The following FRMD4A variants were observed in gnomAD, a reference collection of about 807,000 sequenced individuals.
FRMD4A encodes the protein FERM domain containing 4A, also known as FERM domain-containing protein 4A.
Under a neutral mutation model 129.1 loss-of-function variants are expected in FRMD4A, and 29 were observed. That is an observed-to-expected ratio of 0.22 (90% confidence interval 0.17 to 0.31). The LOEUF (loss-of-function observed/expected upper bound fraction) is 0.31. Ranked by LOEUF, FRMD4A falls within the 10% of genes least tolerant of loss-of-function variation. The pLI is 1.00. For missense variants in FRMD4A, 1,272 were observed against 1,375.8 expected (o/e 0.92, Z 1.19); for synonymous variants, 634 against 571.6 (o/e 1.11, Z -1.56).
At chr10:14,067,601 G>A (rs1014161503) in intron 2 of FRMD4A, among the ~76,000 whole-genome samples, 1 of 151,908 alleles carries the variant, frequency 6.6e-6, no homozygotes. Context: ...GGCGGATCAC[G>A]AGGTCAGGAG....
chr10:14,072,897 T>C (rs1835381971), intron 2 of FRMD4A, among the ~76,000 whole-genome samples: 1 of 152,152 alleles, frequency 6.6e-6, no homozygotes, highest in Non-Finnish European at 1.5e-5. Context: ...ACTTCCCAGA[T>C]ATAAAGTTTG....
intron 2 of FRMD4A, among the ~76,000 whole-genome samples, chr10:14,058,207 G>C (rs906177612): frequency 6.6e-6 from 1 of 152,128 alleles, no homozygotes; most frequent in African/African-American, 2.4e-5. Flanking sequence ...AGAAAGCCGA[G>C]GGGATTTGGG....
At chr10:14,220,713 G>A (rs949987643) in intron 2 of FRMD4A, among the ~76,000 whole-genome samples, 1 of 152,174 alleles carries the variant, frequency 6.6e-6, no homozygotes, top group Non-Finnish European at 1.5e-5. Flanking sequence ...GACCAGCAGA[G>A]GAGGGGTGCC....
At chr10:13,751,749 G>A (rs2091635759) in intron 8 of FRMD4A, among the ~76,000 whole-genome samples, 1 of 152,224 alleles carries the variant, frequency 6.6e-6, no homozygotes, top group Non-Finnish European at 1.5e-5. Context: ...GGTGGCTCAT[G>A]CTTATAATCC....
chr10:13,925,883 CTTTTT>C (rs150868660), intron 2 of FRMD4A, among the ~76,000 whole-genome samples: 2 of 135,534 alleles, frequency 1.5e-5, no homozygotes, highest in Non-Finnish European at 1.6e-5. Context: ...GCACCTGGCT[CTTTTT>C]TTTTTTTTTT....
chr10:14,059,020 CA>C (rs143385808), intron 2 of FRMD4A, among the ~76,000 whole-genome samples: 2 of 149,438 alleles, frequency 1.3e-5, no homozygotes, highest in Admixed American at 6.6e-5. Flanking sequence ...GAGGAGAAAA[CA>C]AAAAAAAATG....
At chr10:14,231,392 G>T (rs1843634278) in intron 2 of FRMD4A, among the ~76,000 whole-genome samples, 1 of 151,500 alleles carries the variant, frequency 6.6e-6, no homozygotes, top group African/African-American at 2.4e-5. Context: ...ACCCAGGCTG[G>T]AGTGCAGTGG....
chr10:14,044,852 T>C (rs771426786), intron 2 of FRMD4A, among the ~76,000 whole-genome samples: 9 of 152,202 alleles, frequency 5.9e-5, no homozygotes, highest in African/African-American at 2.2e-4. Flanking sequence ...GAATATCCAA[T>C]GCCTATCTCT....
At chr10:13,858,245 C>T (rs1165735550) in intron 3 of FRMD4A, among the ~76,000 whole-genome samples, 1 of 152,076 alleles carries the variant, frequency 6.6e-6, no homozygotes, top group African/African-American at 2.4e-5. Flanking sequence ...ACCAGTCTGA[C>T]CAGCATGGAG....
At chr10:14,148,044 C>T (rs376811845) in intron 2 of FRMD4A, among the ~76,000 whole-genome samples, 12 of 152,156 alleles carry the variant, frequency 7.9e-5, no homozygotes, top group African/African-American at 2.9e-4. Flanking sequence ...GGACGATAAA[C>T]TCAGTAATAT....
chr10:13,880,221 T>C (rs1159325344), intron 2 of FRMD4A, among the ~76,000 whole-genome samples: 3 of 152,072 alleles, frequency 2.0e-5, no homozygotes, highest in Admixed American at 2.0e-4. Context: ...CTGATCTCAC[T>C]TTTCCCCAGA....
In FRMD4A at chr10:13,858,926, GA is replaced by G; in HGVS notation, c.46-15del. 6.6e-7 allele frequency: 1 copy of G among 1,526,546 alleles called. No homozygotes were observed. The highest frequency in any genetic ancestry group is 1.1e-5 in the South Asian group (1 of 89,260). 94.6% of individuals were successfully genotyped at this position (1,526,546 alleles called of 1,614,324 possible). A position where few individuals can be genotyped will look rare whatever the true frequency, so the allele number is the denominator to read the frequency against. On this transcript the variant is annotated splice_polypyrimidine_tract_variant and intron_variant, in intron 2 of 24. Coordinates refer to ENST00000357447, the MANE Select transcript of FRMD4A (RefSeq NM_018027.5). Reference sequence around the variant, plus strand: ...GCCCTCCGTCATCTAAGAGGGAAGAGAAATGGTAGTCACTGAGAGTCTAGCA... The same window carrying G: ...GCCCTCCGTCATCTAAGAGGGAAGAGAATGGTAGTCACTGAGAGTCTAGCA...
chr10:14,203,834 T>G (rs1842707192), intron 2 of FRMD4A, among the ~76,000 whole-genome samples: 1 of 152,228 alleles, frequency 6.6e-6, no homozygotes, highest in Non-Finnish European at 1.5e-5. Context: ...TCGAAAAGCA[T>G]TCATTTGAAT....
intron 2 of FRMD4A, among the ~76,000 whole-genome samples, chr10:13,873,463 T>C (rs1223530137): frequency 6.6e-6 from 1 of 152,230 alleles, no homozygotes; most frequent in Non-Finnish European, 1.5e-5. Flanking sequence ...AAAGTGTGTA[T>C]GAGGAATATT....
At chr10:13,995,897 G>A (rs2131441610) in intron 2 of FRMD4A, among the ~76,000 whole-genome samples, 1 of 152,160 alleles carries the variant, frequency 6.6e-6, no homozygotes, top group East Asian at 1.9e-4. Flanking sequence ...GGCTCAGCAG[G>A]GGAGGAAGCG....
At chr10:13,756,160 A>C (rs1181335696) in intron 8 of FRMD4A, 1 of 152,250 alleles carries the variant, frequency 6.6e-6, no homozygotes, top group African/African-American at 2.4e-5. Flanking sequence ...GGTCCAGAGT[A>C]ACACAGCTTT....
intron 2 of FRMD4A, among the ~76,000 whole-genome samples, chr10:13,966,579 G>A (rs1217216157): frequency 4.6e-5 from 7 of 152,202 alleles, no homozygotes; most frequent in Non-Finnish European, 1.0e-4. Flanking sequence ...CCATGGTTCT[G>A]GGAGTGAGAT....
chr10:13,885,330 C>T (rs1482564754), intron 2 of FRMD4A, among the ~76,000 whole-genome samples: 1 of 152,196 alleles, frequency 6.6e-6, no homozygotes, highest in East Asian at 1.9e-4. Flanking sequence ...CTCAGAGAGA[C>T]TCAGTAATTC....
intron 2 of FRMD4A, among the ~76,000 whole-genome samples, chr10:13,872,828 A>G (rs1164816374): frequency 1.3e-5 from 2 of 152,178 alleles, no homozygotes; most frequent in African/African-American, 4.8e-5. Context: ...TTCAAAGGGA[A>G]AGGCAAGTAT....
Sources: gnomAD v4.1 joint callset for allele counts (sites outside exome capture counted in the v4.1 genomes callset) on GRCh38, gnomAD v4.1.1 for gene constraint, MANE v1.5 for transcripts, NCBI Gene and HGNC (gene_info 2026-07-23, HGNC 2026-07-21) for gene names.